Variants in FHOD3 observed in about 807,000 individuals in gnomAD.
The protein encoded by FHOD3 is formin homology 2 domain containing 3.
Under a neutral mutation model 173.0 loss-of-function variants are expected in FHOD3, and 90 were observed. The ratio of observed to expected loss-of-function variants is 0.52; its 90% CI spans 0.44 to 0.62. FHOD3 has a LOEUF of 0.62. FHOD3 is among the 20% of genes least tolerant of loss of function. The pLI is 0.00. For synonymous variants in FHOD3, 828 were observed against 823.0 expected, an observed-to-expected ratio of 1.01 and a Z score of -0.10; for missense variants, 1,945 against 2,034.7, an observed-to-expected ratio of 0.96 and a Z score of 0.85.
At chr18:36,729,318 A>T (rs950315213) in intron 19 of FHOD3, among the ~76,000 whole-genome samples, 2 of 152,158 alleles carry the variant, frequency 1.3e-5, no homozygotes, top group Non-Finnish European at 2.9e-5. Flanking sequence ...GTCTTCTCCC[A>T]CCTGCCCCCA....
At chr18:36,541,797 G>A (rs2057232456) in intron 5 of FHOD3, among the ~76,000 whole-genome samples, 1 of 152,104 alleles carries the variant, frequency 6.6e-6, no homozygotes, top group Non-Finnish European at 1.5e-5. Context: ...TCTCTATGGG[G>A]CAGAATTGGA....
chr18:36,340,065 A>G (rs1488324772), intron 1 of FHOD3, among the ~76,000 whole-genome samples: 1 of 152,196 alleles, frequency 6.6e-6, no homozygotes. Context: ...AAAGTCTTTC[A>G]TATGTTTAGT....
intron 3 of FHOD3, among the ~76,000 whole-genome samples, chr18:36,442,801 C>A (rs191812740): frequency 7.2e-5 from 11 of 152,298 alleles, no homozygotes; most frequent in African/African-American, 2.4e-4. Flanking sequence ...CTCACTAATG[C>A]CCTTTTTCCT....
intron 19 of FHOD3, among the ~76,000 whole-genome samples, chr18:36,721,895 G>C (rs185418015): frequency 2.0e-5 from 3 of 152,062 alleles, no homozygotes; most frequent in African/African-American, 7.2e-5. Flanking sequence ...AAAGAGAATT[G>C]GTTTTAGGTT....
chr18:36,370,668 T>A (rs900672873), intron 2 of FHOD3, among the ~76,000 whole-genome samples: 2 of 152,342 alleles, frequency 1.3e-5, no homozygotes, highest in East Asian at 3.9e-4. Context: ...GCTTTTTCTC[T>A]CTCTGGGCAT....
intron 2 of FHOD3, among the ~76,000 whole-genome samples, chr18:36,357,006 C>T (rs1463629030): frequency 6.6e-6 from 1 of 152,126 alleles, no homozygotes; most frequent in Non-Finnish European, 1.5e-5. Context: ...TTAAGAGTTT[C>T]CCTGATACTT....
At chr18:36,376,157 T>A (rs1283199728) in intron 3 of FHOD3, among the ~76,000 whole-genome samples, 1 of 152,164 alleles carries the variant, frequency 6.6e-6, no homozygotes, top group East Asian at 1.9e-4. Context: ...AATCTCATCA[T>A]GAAGAGAAAG....
At chr18:36,698,300 A>G (rs2039398800) in intron 17 of FHOD3, among the ~76,000 whole-genome samples, 1 of 152,186 alleles carries the variant, frequency 6.6e-6, no homozygotes, top group Non-Finnish European at 1.5e-5. Context: ...CTGCCTTGCC[A>G]TTTCTCAGTC....
intron 3 of FHOD3, among the ~76,000 whole-genome samples, chr18:36,384,885 A>G (rs2047956086): frequency 6.6e-6 from 1 of 151,654 alleles, no homozygotes; most frequent in African/African-American, 2.4e-5. Flanking sequence ...GCCCTTGGCA[A>G]GTGGTGGAAG....
At chr18:36,716,718 A>C (rs80349323) in intron 18 of FHOD3, among the ~76,000 whole-genome samples, 414 of 152,322 alleles carry the variant, frequency 2.7e-3, no homozygotes, top group East Asian at 0.014. Flanking sequence ...ACCTGAAAGC[A>C]GCAGCTGAGA....
intron 3 of FHOD3, among the ~76,000 whole-genome samples, chr18:36,440,119 G>C (rs2051050530): frequency 6.6e-6 from 1 of 152,184 alleles, no homozygotes; most frequent in African/African-American, 2.4e-5. Context: ...GTTTTAGTAG[G>C]TCTGTACCGG....
chr18:36,712,226 A>G (rs1490146501), intron 18 of FHOD3, among the ~76,000 whole-genome samples: 2 of 152,222 alleles, frequency 1.3e-5, no homozygotes, highest in African/African-American at 4.8e-5. Flanking sequence ...ATCACTCATC[A>G]TTTCAAGAGC....
chr18:36,690,081 T>C (rs2038866183), intron 16 of FHOD3, among the ~76,000 whole-genome samples: 2 of 152,072 alleles, frequency 1.3e-5, no homozygotes, highest in Non-Finnish European at 2.9e-5. Context: ...GCCACTGAGC[T>C]CTGGCGGATG....
chr18:36,641,029 T>A (rs769091258), intron 10 of FHOD3, among the ~76,000 whole-genome samples: 5 of 152,116 alleles, frequency 3.3e-5, no homozygotes, highest in Non-Finnish European at 5.9e-5. Context: ...GGGAGATCTC[T>A]GAGGTCATCT....
chr18:36,636,629 C>T (rs1281954277), intron 10 of FHOD3, among the ~76,000 whole-genome samples: 4 of 151,890 alleles, frequency 2.6e-5, no homozygotes, highest in Non-Finnish European at 5.9e-5. Flanking sequence ...ATCCACATGG[C>T]CCCAGATAAA....
intron 24 of FHOD3, 98 bp from the exon 25 acceptor site, chr18:36,755,021 T>TA: frequency 3.1e-6 from 1 of 320,960 alleles, no homozygotes. Context: ...TATTATTTAT[T>TA]TTAAGTTCTC....
intron 14 of FHOD3, among the ~76,000 whole-genome samples, chr18:36,669,404 T>C (rs567530088): frequency 2.0e-4 from 31 of 152,102 alleles, no homozygotes; most frequent in African/African-American, 6.7e-4. Flanking sequence ...TACCTTTTAA[T>C]TGGAGTGTTT....
intron 1 of FHOD3, among the ~76,000 whole-genome samples, chr18:36,313,548 G>T (rs977387001): frequency 5.9e-5 from 9 of 152,144 alleles, no homozygotes; most frequent in African/African-American, 2.2e-4. Flanking sequence ...TTTGAGACTG[G>T]CTTCTTCACT....
At chr18:36,594,698 G>A in intron 6 of FHOD3, 89 bp from the exon 7 acceptor site, 1 of 791,154 alleles carries the variant, frequency 1.3e-6, no homozygotes, top group Non-Finnish European at 2.1e-6. Context: ...CATCTAGGAA[G>A]TGCTGGGTGC....
Sources: gnomAD v4.1 joint callset for allele counts (sites outside exome capture counted in the v4.1 genomes callset) on GRCh38, gnomAD v4.1.1 for gene constraint, MANE v1.5 for transcripts, NCBI Gene and HGNC (gene_info 2026-07-23, HGNC 2026-07-21) for gene names.